KPNA2: variants seen among roughly 807,000 people sequenced by gnomAD.
The protein encoded by KPNA2 is importin subunit alpha-1.
Under a neutral mutation model 53.7 loss-of-function variants are expected in KPNA2, and 20 were observed. The ratio of observed to expected loss-of-function variants is 0.37; its 90% confidence interval spans 0.26 to 0.54. The LOEUF is 0.54. Ranked by LOEUF, KPNA2 falls within the 20% of genes least tolerant of loss-of-function variation. The pLI, the probability that KPNA2 is intolerant of heterozygous loss-of-function variation, is 0.83. For missense variants in KPNA2, 515 were observed against 640.3 expected (o/e 0.80, Z 2.11); for synonymous variants, 238 against 227.5 (o/e 1.05, Z -0.42).
At position 68,037,366 on chromosome 17, in the gene KPNA2, G is replaced by A; in HGVS notation, c.84G>A (p.Arg28=). Residue 28 remains arginine, a synonymous_variant, in exon 3 of 11, where the codon AGG becomes AGA. Coordinates refer to ENST00000330459, the MANE Select transcript of KPNA2 (RefSeq NM_002266.4). ...KNKGKDSTEM[R]RRRIEVNVEL... The stretch of plus-strand genomic sequence containing the variant: ...TGTTATCTTTTCTCAAGGAAATGAG[G>A]CGTCGCAGAATAGAGGTCAATGTGG... The A allele has an allele frequency of 1.2e-6, 2 of 1,612,766 alleles. No homozygotes were observed. The highest frequency in any genetic ancestry group is 1.7e-6 in the Non-Finnish European group (2 of 1,179,572).
chr17:68,042,846 A>G, intron 5 of KPNA2, 59 bp from the exon 6 acceptor site: 1 of 1,328,990 alleles, frequency 7.5e-7, no homozygotes, highest in South Asian at 1.2e-5. Flanking sequence ...CCTGGGCGAC[A>G]GAGAGAAACT....
In KPNA2 at chr17:68,044,027, G is replaced by A. The variant is rs2071298356; in HGVS notation, c.1120G>A (p.Val374Met). Reference protein sequence around the residue: ...AGRQDQIQQVVNHGLVPFLVS... With the variant: ...AGRQDQIQQVMNHGLVPFLVS... ...CCGCCAGGACCAGATACAGCAAGTT[G>A]TGAATCATGGATTAGTCCCATTCCT... The change falls in exon 8 of 11, where the codon GTG (valine) becomes ATG (methionine). Residue 374 changes from valine to methionine, a missense_variant. Physicochemically the swap from Val to Met is conservative, Grantham distance 21. Coordinates refer to ENST00000330459, the MANE Select transcript of KPNA2 (RefSeq NM_002266.4). 1 of 1,613,852 alleles carries A rather than the reference G, an allele frequency of 6.2e-7. No individual in the cohort carries two copies. The highest frequency in any genetic ancestry group is 1.1e-5 in the South Asian group (1 of 91,080).
At chr17:68,038,086 C>T (rs1193109835) in intron 3 of KPNA2, among the ~76,000 whole-genome samples, 1 of 152,208 alleles carries the variant, frequency 6.6e-6, no homozygotes, top group East Asian at 1.9e-4. Context: ...ACGCCATTCT[C>T]CTGCCTCAGC....
chr17:68,044,683 AGAC>A (rs1311845803), intron 9 of KPNA2, among the ~76,000 whole-genome samples, 180 bp downstream of exon 9: 42 of 152,356 alleles, frequency 2.8e-4, no homozygotes, highest in African/African-American at 8.9e-4. Context: ...GATACAAAAG[AGAC>A]GACAAGTGGA....
intron 3 of KPNA2, among the ~76,000 whole-genome samples, chr17:68,038,602 A>G (rs1306285538): frequency 6.6e-6 from 1 of 152,146 alleles, no homozygotes; most frequent in East Asian, 1.9e-4. Context: ...CTTAAAATCC[A>G]TACTCCAAAT....
rs1415049817 is a variant in KPNA2, at chr17:68,039,391, G to T, written c.214-1287G>T. On this transcript the variant is annotated intron_variant, in intron 3 of 10. Coordinates refer to ENST00000330459, the MANE Select transcript of KPNA2 (RefSeq NM_002266.4). The stretch of plus-strand genomic sequence containing the variant: ...CCGCCTCGGCCTCCCAAAGTGCTGG[G>T]ATTACAGGCGCGAGCCACTTCGCCC... 2.6e-5 allele frequency among the ~76,000 whole-genome samples: 4 copies of T among 151,862 alleles called. No individual in the cohort carries two copies. The East Asian group carries it at 7.9e-4, about 30-fold the overall frequency.
chr17:68,044,668 TAAAAGATACAA>T (rs2071307658), intron 9 of KPNA2, among the ~76,000 whole-genome samples, 165 bp downstream of exon 9: 1 of 152,208 alleles, frequency 6.6e-6, no homozygotes, highest in Non-Finnish European at 1.5e-5. Flanking sequence ...GCAGGCATTA[TAAAAGATACAA>T]AAGAGACGAC....
intron 9 of KPNA2, chr17:68,045,561 C>T (rs1313327395): frequency 7.0e-6 from 3 of 426,296 alleles, no homozygotes; most frequent in East Asian, 3.4e-5. Context: ...ATCTTTGGCT[C>T]CAGTTGAAGT....
Position 68,040,666 on chromosome 17 carries a change from CT to C in KPNA2, c.214-8del, listed in dbSNP as rs1236158262. The C allele has an allele frequency of 1.1e-5, 17 of 1,582,364 alleles. No individual in the cohort carries two copies. Among genetic ancestry groups the C allele is most frequent in the Middle Eastern group, 1.7e-4 (1 of 5,914 alleles). Reference sequence around the variant, plus strand: ...CTTAATGATAATGTGCAAACTTTCACTTTTCTTCTAGGGCACTGTAAATTGG... The same window carrying C: ...CTTAATGATAATGTGCAAACTTTCACTTTCTTCTAGGGCACTGTAAATTGG... On this transcript the variant is annotated splice_polypyrimidine_tract_variant and intron_variant, in intron 3 of 10. Transcript: ENST00000330459.
At chr17:68,038,979 C>T (rs2144208932) in intron 3 of KPNA2, among the ~76,000 whole-genome samples, 2 of 151,458 alleles carry the variant, frequency 1.3e-5, no homozygotes, top group South Asian at 4.2e-4. Context: ...TGCACCACTG[C>T]ACCCCATGCT....
At chr17:68,041,606 G>T (rs782035028) in intron 4 of KPNA2, among the ~76,000 whole-genome samples, 2 of 151,978 alleles carry the variant, frequency 1.3e-5, no homozygotes, top group Non-Finnish European at 2.9e-5. Flanking sequence ...CACACTTGTC[G>T]TCCCAGCTAC....
At chr17:68,038,629 G>C (rs546442965) in intron 3 of KPNA2, among the ~76,000 whole-genome samples, 2 of 152,102 alleles carry the variant, frequency 1.3e-5, no homozygotes, top group Non-Finnish European at 2.9e-5. Context: ...AACCTGGGAG[G>C]TGGAGGTTGC....
intron 3 of KPNA2, among the ~76,000 whole-genome samples, chr17:68,038,211 G>A (rs1410483738): frequency 6.6e-6 from 1 of 152,128 alleles, no homozygotes; most frequent in East Asian, 1.9e-4. Flanking sequence ...TCCTGACCTC[G>A]TGATCCACCC....
In KPNA2 at chr17:68,046,664, A is replaced by G; in HGVS notation, c.*68A>G. 8 of 974,138 alleles carry G rather than the reference A, an allele frequency of 8.2e-6. No homozygotes were observed. Among genetic ancestry groups the G allele is most frequent in the Admixed American group, 4.0e-5 (2 of 50,598 alleles). The allele number at this position is 974,138 out of a possible 1,614,324, so 60.3% of individuals were successfully genotyped here. A position where few individuals can be genotyped will look rare whatever the true frequency, so the allele number is the denominator to read the frequency against. On this transcript the variant is annotated 3_prime_UTR_variant, in exon 11 of 11. Coordinates refer to ENST00000330459, the MANE Select transcript of KPNA2 (RefSeq NM_002266.4). ...TATTTTGTCTTATTGTTTCTCTACTAAGAACTCTTTCTTAAATGTGGTTTG... is the reference window on the plus strand; with the variant it reads ...TATTTTGTCTTATTGTTTCTCTACTGAGAACTCTTTCTTAAATGTGGTTTG...
chr17:68,043,683 CA>C (rs35815075), intron 7 of KPNA2, among the ~76,000 whole-genome samples, 154 bp from the exon 8 acceptor site: 36,090 of 141,180 alleles, frequency 0.26, 5,021 homozygotes, highest in East Asian at 0.7. Flanking sequence ...TCCAGTCTCT[CA>C]AAAAAAAAAA....
In KPNA2 at chr17:68,043,902, T is replaced by C. The variant is rs2071295530; in HGVS notation, c.995T>C (p.Ile332Thr). 1 of 1,613,816 alleles carries C rather than the reference T, an allele frequency of 6.2e-7. No individual in the cohort carries two copies. Among genetic ancestry groups the C allele is most frequent in the Non-Finnish European group, 8.5e-7 (1 of 1,179,872 alleles). Residue 332 changes from isoleucine to threonine, a missense_variant, in exon 8 of 11, where the codon ATT (isoleucine) becomes ACT (threonine). Physicochemically the swap from Ile to Thr is moderately conservative, Grantham distance 89. Transcript: ENST00000330459. ...TGTDEQTQVVIDAGALAVFPS... is the reference protein window; with the variant it reads ...TGTDEQTQVVTDAGALAVFPS... ...ACAGATGAACAGACTCAGGTTGTGA[T>C]TGATGCAGGAGCACTCGCCGTCTTT...
At chr17:68,038,251 A>G (rs532633585) in intron 3 of KPNA2, among the ~76,000 whole-genome samples, 13 of 152,314 alleles carry the variant, frequency 8.5e-5, no homozygotes, top group Admixed American at 7.2e-4. Context: ...CTGGGATTAC[A>G]GGCGTGAGCC....
intron 3 of KPNA2, among the ~76,000 whole-genome samples, chr17:68,039,617 C>T (rs565309332): frequency 6.6e-6 from 1 of 150,380 alleles, no homozygotes; most frequent in Non-Finnish European, 1.5e-5. Context: ...TCCATCTCTA[C>T]TAAAAATACA....
At chr17:68,045,981 C>CT (rs782202703) in intron 10 of KPNA2, 60 bp downstream of exon 10, 3 of 1,069,420 alleles carry the variant, frequency 2.8e-6, no homozygotes, top group Non-Finnish European at 2.6e-6. Flanking sequence ...GGCCATAAGC[C>CT]TTTTTTTCCC....
Sources: gnomAD v4.1 joint callset for allele counts (sites outside exome capture counted in the v4.1 genomes callset) on GRCh38, gnomAD v4.1.1 for gene constraint, MANE v1.5 for transcripts, NCBI Gene and HGNC (gene_info 2026-07-23, HGNC 2026-07-21) for gene names.